The following KLF5 variants were observed in gnomAD, a reference collection of about 807,000 sequenced individuals.
KLF5 encodes the protein KLF transcription factor 5.
Under a neutral mutation model 36.9 loss-of-function variants are expected in KLF5, and 9 were observed. The ratio of observed to expected loss-of-function variants is 0.24; its 90% CI spans 0.15 to 0.43. KLF5 has a LOEUF of 0.43. KLF5 is among the 20% of genes least tolerant of loss of function. The probability of loss-of-function intolerance (pLI) is 1.00; values close to 1 mark genes in which losing one functional copy is unlikely to be tolerated. For synonymous variants in KLF5, 246 were observed against 241.7 expected, an observed-to-expected ratio of 1.02 and a Z score of -0.17; for missense variants, 524 against 599.5, an observed-to-expected ratio of 0.87 and a Z score of 1.31.
chr13:73,066,923 A>G (rs191818206), intron 3 of KLF5, among the ~76,000 whole-genome samples: 26 of 152,316 alleles, frequency 1.7e-4, no homozygotes, highest in Admixed American at 3.3e-4. Flanking sequence ...GGGAATAATT[A>G]TATTTTATTT....
chr13:73,075,437 C>T (rs1180463381), intron 3 of KLF5, among the ~76,000 whole-genome samples: 33 of 152,124 alleles, frequency 2.2e-4, no homozygotes, highest in Admixed American at 2.2e-3. Context: ...TCGTTTTGTA[C>T]TTGTCTAAAA....
intron 2 of KLF5, among the ~76,000 whole-genome samples, chr13:73,063,487 G>C (rs2044655579): frequency 6.6e-6 from 1 of 152,154 alleles, no homozygotes; most frequent in Admixed American, 6.6e-5. Context: ...GCTTAGTACT[G>C]TCAGCTCTAG....
chr13:73,062,636 C>T lies in KLF5; in HGVS notation c.1037C>T (p.Thr346Ile). 1 of 1,614,192 alleles carries T rather than the reference C, an allele frequency of 6.2e-7. No homozygotes were observed. The highest frequency in any genetic ancestry group is 8.5e-7 in the Non-Finnish European group (1 of 1,180,028). ...ATTCACAATCCAAATTTACCCACCACCCTGCCAGTTAACTCACAAAACATC... is the reference window on the plus strand; with the variant it reads ...ATTCACAATCCAAATTTACCCACCATCCTGCCAGTTAACTCACAAAACATC... ...LAIHNPNLPT[T>I]LPVNSQNIQP... The change falls in exon 2 of 4, where the codon ACC becomes ATC. Residue 346 changes from threonine (T) to isoleucine (I), a missense_variant. By Grantham distance (89) the Thr-to-Ile change is moderately conservative. Around this residue, in one of 4 missense-constraint regions of KLF5, gnomAD observed 454 missense variants for 458.1 expected, o/e 0.99. Transcript: ENST00000377687.
At position 73,059,786 on chromosome 13, in the gene KLF5, C is replaced by G. The variant is rs1285010813; in HGVS notation, c.261+198C>G. 1.1e-3 allele frequency: 637 copies of G among 573,076 alleles called. 5 individuals are homozygous for G. In the African/African-American group the frequency reaches 0.013, roughly 12 times the overall value. 35.5% of individuals were successfully genotyped at this position (573,076 alleles called of 1,614,324 possible). On this transcript the variant is annotated intron_variant, in intron 1 of 3. Transcript: ENST00000377687. ...CGCTGAGAGTAAATGGGGGGGGGGG[C>G]CGGGGGTGGGAAGGATGGAGGGGAA...
At chr13:73,059,693 C>A in intron 1 of KLF5, 105 bp downstream of exon 1, 4 of 936,190 alleles carry the variant, frequency 4.3e-6, no homozygotes, top group Non-Finnish European at 5.1e-6. Context: ...GGGCGTGCGT[C>A]GGGGCGCACC....
intron 1 of KLF5, among the ~76,000 whole-genome samples, chr13:73,061,367 CAAGAA>C (rs1323192901): frequency 6.6e-6 from 1 of 151,960 alleles, no homozygotes; most frequent in Non-Finnish European, 1.5e-5. Context: ...AGTATCTAGT[CAAGAA>C]AAGAAACCTG....
chr13:73,059,116 G>T lies in KLF5; in HGVS notation c.-212G>T, dbSNP rs965985593. The T allele has an allele frequency of 7.4e-6, 3 of 406,724 alleles. No individual in the cohort carries two copies. Among genetic ancestry groups the T allele is most frequent in the African/African-American group, 4.1e-5 (2 of 48,224 alleles). 25.2% of individuals were successfully genotyped at this position (406,724 alleles called of 1,614,324 possible). On this transcript the variant is annotated 5_prime_UTR_variant, in exon 1 of 4. Transcript: ENST00000377687. ...TGGGGCGGGGCGGGAGAAAGTGGCCGCCCGGAGGACGTTGGCGTTTACGTG... is the reference window on the plus strand; with the variant it reads ...TGGGGCGGGGCGGGAGAAAGTGGCCTCCCGGAGGACGTTGGCGTTTACGTG...
In KLF5 at chr13:73,059,303, C is replaced by A; in HGVS notation, c.-25C>A. The A allele has an allele frequency of 3.0e-6, 4 of 1,349,686 alleles. No individual in the cohort carries two copies. Among genetic ancestry groups the A allele is most frequent in the South Asian group, 1.7e-5 (1 of 57,914 alleles). The allele number at this position is 1,349,686 out of a possible 1,614,324, so 83.6% of individuals were successfully genotyped here. On this transcript the variant is annotated 5_prime_UTR_variant, in exon 1 of 4. Transcript: ENST00000377687. ...AGGTGGGAAGTGCGCCCGACCCGCG[C>A]CTGGAGCTGCGCCCCCGAGTGCCCA...
intron 1 of KLF5, 196 bp downstream of exon 1, chr13:73,059,784 G>A (rs1355614536): frequency 3.1e-6 from 2 of 655,716 alleles, no homozygotes; most frequent in Non-Finnish European, 3.8e-6. Flanking sequence ...TGGGGGGGGG[G>A]GCCGGGGGTG....
intron 3 of KLF5, among the ~76,000 whole-genome samples, chr13:73,064,864 CTT>C (rs1201695018): frequency 2.6e-5 from 4 of 152,130 alleles, no homozygotes; most frequent in Non-Finnish European, 5.9e-5. Context: ...AGCTTTTAAA[CTT>C]TAAAATTATA....
Position 73,062,448 on chromosome 13 carries a change from T to C in KLF5, c.849T>C (p.Pro283=), listed in dbSNP as rs770632239. 1 of 1,614,190 alleles carries C rather than the reference T, an allele frequency of 6.2e-7. No individual in the cohort carries two copies. The highest frequency in any genetic ancestry group is 1.1e-5 in the South Asian group (1 of 91,092). ...TGAAACAATTCCAGGGCATGCCCCC[T>C]TGCACATACACAATGCCAAGTCAGT... ...TAVKQFQGMP[P]CTYTMPSQFL... The change falls in exon 2 of 4, where the codon CCT becomes CCC. Residue 283 remains proline (P), a synonymous_variant. Coordinates refer to ENST00000377687, the MANE Select transcript of KLF5 (RefSeq NM_001730.5).
At chr13:73,067,936 G>A (rs925777403) in intron 3 of KLF5, among the ~76,000 whole-genome samples, 2 of 151,680 alleles carry the variant, frequency 1.3e-5, no homozygotes, top group South Asian at 2.1e-4. Context: ...CACCTCCCAG[G>A]TTCAAGCGAT....
intron 3 of KLF5, among the ~76,000 whole-genome samples, chr13:73,065,075 G>A (rs2044669718): frequency 6.6e-6 from 1 of 152,116 alleles, no homozygotes; most frequent in Non-Finnish European, 1.5e-5. Context: ...GAATAAGTTT[G>A]CTAATAAAAG....
In KLF5 at chr13:73,077,515, G is replaced by A. The variant is rs1308406729; in HGVS notation, c.*1629G>A. 1 of 151,166 alleles carries A rather than the reference G, an allele frequency of 6.6e-6. No individual in the cohort carries two copies. Among genetic ancestry groups the A allele is most frequent in the Non-Finnish European group, 1.5e-5 (1 of 67,694 alleles). 9.4% of individuals were successfully genotyped at this position (151,166 alleles called of 1,614,324 possible). The stretch of plus-strand genomic sequence containing the variant: ...ATATATTAACGACAATTTTTTTTTT[G>A]GAAAATAAAAAGTGCCTAAAAGATG... On this transcript the variant is annotated 3_prime_UTR_variant, in exon 4 of 4. Transcript: ENST00000377687.
Position 73,062,473 on chromosome 13 carries a change from T to G in KLF5, c.874T>G (p.Phe292Val), listed in dbSNP as rs903436534. The change falls in exon 2 of 4, where the codon TTT becomes GTT. Residue 292 changes from phenylalanine to valine, a missense_variant. By Grantham distance (50) the Phe-to-Val change is conservative. Around this residue, in one of 4 missense-constraint regions of KLF5, gnomAD observed 454 missense variants for 458.1 expected, o/e 0.99. Coordinates refer to ENST00000377687, the MANE Select transcript of KLF5 (RefSeq NM_001730.5). ...TTGCACATACACAATGCCAAGTCAG[T>G]TTCTTCCACAACAGGCCACTTACTT... ...PPCTYTMPSQ[F>V]LPQQATYFPP... 14 of 1,614,162 alleles carry G rather than the reference T, an allele frequency of 8.7e-6. No individual in the cohort carries two copies. The highest frequency in any genetic ancestry group is 1.2e-5 in the Non-Finnish European group (14 of 1,180,044).
intron 3 of KLF5, among the ~76,000 whole-genome samples, chr13:73,069,673 A>G (rs2044708579): frequency 6.6e-6 from 1 of 152,184 alleles, no homozygotes. Flanking sequence ...GGGAAGATTA[A>G]ACTTTGCTTC....
upstream of KLF5, among the ~76,000 whole-genome samples, chr13:73,058,332 A>C (rs2044596881): frequency 6.6e-6 from 1 of 152,136 alleles, no homozygotes; most frequent in Admixed American, 6.5e-5. Flanking sequence ...AGTGGGAAAA[A>C]CCCAGGCTTT....
At chr13:73,059,774 TGGGG>T in intron 1 of KLF5, 186 bp downstream of exon 1, 2 of 380,330 alleles carry the variant, frequency 5.3e-6, no homozygotes, top group Non-Finnish European at 6.6e-6. Context: ...TGAGAGTAAA[TGGGG>T]GGGGGGGCCG....
intron 3 of KLF5, among the ~76,000 whole-genome samples, chr13:73,068,121 G>A (rs915579785): frequency 2.7e-4 from 41 of 152,240 alleles, no homozygotes; most frequent in African/African-American, 7.9e-4. Flanking sequence ...GATTACAGGC[G>A]TGAGCCACCA....
Sources: gnomAD v4.1 joint callset for allele counts (sites outside exome capture counted in the v4.1 genomes callset) on GRCh38, gnomAD v4.1.1 for gene constraint, gnomAD v4.1.1 regional missense constraint, MANE v1.5 for transcripts, NCBI Gene and HGNC (gene_info 2026-07-23, HGNC 2026-07-21) for gene names.